TTC39B: variants seen among roughly 807,000 people sequenced by gnomAD.
TTC39B encodes tetratricopeptide repeat domain 39B, also known as tetratricopeptide repeat protein 39B.
A neutral mutation model predicts 96.6 loss-of-function variants in TTC39B; 92 were observed. That is an observed-to-expected ratio of 0.95 (90% CI 0.80 to 1.13). TTC39B has a LOEUF of 1.13. Among genes scored for constraint, TTC39B ranks in the 50% most tolerant of loss-of-function variants. TTC39B has a pLI of 0.00. For synonymous variants in TTC39B, 367 were observed against 299.4 expected (o/e 1.23, Z -2.33); for missense variants, 955 against 809.3 (o/e 1.18, Z -2.18).
chr9:15,210,807 AGGGTCT>A (rs1466502229), intron 5 of TTC39B, among the ~76,000 whole-genome samples: 3,247 of 152,334 alleles, frequency 0.021, 115 homozygotes, highest in African/African-American at 0.074. Flanking sequence ...AAATTTTGAT[AGGGTCT>A]TCCTATACAC....
At chr9:15,199,544 A>G (rs199784822) in intron 8 of TTC39B, among the ~76,000 whole-genome samples, 3 of 151,374 alleles carry the variant, frequency 2.0e-5, no homozygotes, top group East Asian at 1.9e-4. Flanking sequence ...GACCATCCTG[A>G]CTAACACAGT....
At position 15,195,782 on chromosome 9, in the gene TTC39B, C is replaced by T. The variant is rs182543126; in HGVS notation, c.825-3087G>A. 1.8e-3 allele frequency among the ~76,000 whole-genome samples: 273 copies of T among 151,706 alleles called. 2 individuals carry two copies. The highest frequency in any genetic ancestry group is 6.3e-3 in the African/African-American group (260 of 41,328). ...AAGATCACTGACGAAGGTGGCTGCA[C>T]TAAACAACAAATTTTCAATGTAGAC... On this transcript the variant is annotated intron_variant, in intron 8 of 19. Transcript: ENST00000512701.
At chr9:15,277,152 G>C (rs1586995928) in intron 1 of TTC39B, among the ~76,000 whole-genome samples, 1 of 152,322 alleles carries the variant, frequency 6.6e-6, no homozygotes, top group Non-Finnish European at 1.5e-5. Context: ...TTATGGGCTG[G>C]GCGCAGTGGC....
chr9:15,268,679 G>C lies in TTC39B; in HGVS notation c.241-731C>G, dbSNP rs77626756. 3.3e-3 allele frequency among the ~76,000 whole-genome samples: 496 copies of C among 152,204 alleles called. 2 individuals are homozygous for C. Among genetic ancestry groups the C allele is most frequent in the African/African-American group, 0.011 (465 of 41,542 alleles). ...GGTATCCGGGGTCCACCACAACCCAGCTTAATCTTCCAAGCATCCTTCTCT... is the reference window on the plus strand; with the variant it reads ...GGTATCCGGGGTCCACCACAACCCACCTTAATCTTCCAAGCATCCTTCTCT... On this transcript the variant is annotated intron_variant, in intron 1 of 19. Transcript: ENST00000512701.
intron 1 of TTC39B, among the ~76,000 whole-genome samples, chr9:15,287,404 T>C (rs946106798): frequency 3.9e-5 from 6 of 152,214 alleles, no homozygotes; most frequent in Non-Finnish European, 5.9e-5. Flanking sequence ...GTAACAGAGT[T>C]ACGGAAGAGA....
At chr9:15,250,057 A>C in intron 2 of TTC39B, 1 of 1,284,060 alleles carries the variant, frequency 7.8e-7, no homozygotes, top group Non-Finnish European at 1.0e-6. Context: ...AAAAATCCTC[A>C]ATTTCTATTT....
intron 1 of TTC39B, among the ~76,000 whole-genome samples, chr9:15,300,140 A>G (rs1347706043): frequency 6.6e-6 from 1 of 152,164 alleles, no homozygotes; most frequent in African/African-American, 2.4e-5. Context: ...GCATACCCTC[A>G]TGAACAAATG....
chr9:15,223,787 C>G (rs1356599965), intron 3 of TTC39B, among the ~76,000 whole-genome samples: 1 of 151,832 alleles, frequency 6.6e-6, no homozygotes, highest in South Asian at 2.1e-4. Flanking sequence ...ATCTGAAAAT[C>G]CAAAATTGAA....
intron 16 of TTC39B, chr9:15,183,519 T>TCTA (rs1818358149): frequency 3.0e-6 from 1 of 334,316 alleles, no homozygotes; most frequent in Admixed American, 4.4e-5. Flanking sequence ...TCCTGTACAT[T>TCTA]CTACTTCCAT....
At chr9:15,249,708 T>C (rs1235526196) in intron 2 of TTC39B, 2 of 223,128 alleles carry the variant, frequency 9.0e-6, no homozygotes, top group Admixed American at 6.1e-5. Context: ...TTTAAAAAGG[T>C]TGGGGGGAGG....
At chr9:15,202,713 C>G (rs1283805312) in intron 7 of TTC39B, among the ~76,000 whole-genome samples, 4 of 151,162 alleles carry the variant, frequency 2.6e-5, no homozygotes, top group South Asian at 4.2e-4. Flanking sequence ...CTCCAACCAC[C>G]CTGCCACCCC....
At chr9:15,211,384 T>A in exon 5 of TTC39B, 1 of 1,565,228 alleles carries the variant, frequency 6.4e-7, no homozygotes, top group Non-Finnish European at 8.6e-7. Context: ...GCATGGTACA[T>A]ACTCTCCTTA....
exon 20 of TTC39B, chr9:15,167,028 A>AT (rs549150155): frequency 5.4e-4 from 6 of 11,020 alleles, no homozygotes; most frequent in Admixed American, 2.5e-3. Flanking sequence ...ATATATATAT[A>AT]TTTTTTTTTT....
At chr9:15,193,944 G>T (rs1293803719) in intron 8 of TTC39B, among the ~76,000 whole-genome samples, 1 of 152,166 alleles carries the variant, frequency 6.6e-6, no homozygotes, top group Non-Finnish European at 1.5e-5. Flanking sequence ...AGACATGACA[G>T]CTAACCTCGA....
chr9:15,191,785 A>G (rs1295788353), intron 9 of TTC39B, among the ~76,000 whole-genome samples: 1 of 152,180 alleles, frequency 6.6e-6, no homozygotes, highest in Non-Finnish European at 1.5e-5. Context: ...GTGCAATTAT[A>G]TGCTGATTCA....
intron 1 of TTC39B, among the ~76,000 whole-genome samples, chr9:15,269,352 A>G (rs1422074434): frequency 6.6e-6 from 1 of 152,160 alleles, no homozygotes; most frequent in Non-Finnish European, 1.5e-5. Flanking sequence ...TGCTCAATAA[A>G]TACTTGTTGC....
chr9:15,174,394 C>T (rs1817817441), intron 19 of TTC39B, among the ~76,000 whole-genome samples: 1 of 152,140 alleles, frequency 6.6e-6, no homozygotes, highest in Admixed American at 6.5e-5. Flanking sequence ...GGCAAACAGG[C>T]CACAGGGTTT....
At chr9:15,215,475 T>G (rs369518907) in intron 3 of TTC39B, among the ~76,000 whole-genome samples, 11 of 151,832 alleles carry the variant, frequency 7.2e-5, no homozygotes, top group African/African-American at 2.4e-4. Context: ...GAGAATCACT[T>G]GAACCCAGGA....
At chr9:15,222,487 G>A (rs560738504) in intron 3 of TTC39B, among the ~76,000 whole-genome samples, 1 of 152,110 alleles carries the variant, frequency 6.6e-6, no homozygotes. Flanking sequence ...CCAATCCAAG[G>A]GAGAGTCACC....
Sources: gnomAD v4.1 joint callset for allele counts (sites outside exome capture counted in the v4.1 genomes callset) on GRCh38, gnomAD v4.1.1 for gene constraint, MANE v1.5 for transcripts, NCBI Gene and HGNC (gene_info 2026-07-23, HGNC 2026-07-21) for gene names.